The following NSD1 variants were observed in gnomAD, a reference collection of about 807,000 sequenced individuals.
NSD1 encodes histone-lysine N-methyltransferase, H3 lysine-36 specific.
A neutral mutation model predicts 242.7 loss-of-function variants in NSD1; 26 were observed. The observed-to-expected ratio is 0.11, with a 90% CI of 0.08 to 0.15. NSD1 has a LOEUF of 0.15. Ranked by LOEUF, NSD1 falls within the 10% of genes least tolerant of loss-of-function variation. The probability of loss-of-function intolerance (pLI) is 1.00; values close to 1 mark genes in which losing one functional copy is unlikely to be tolerated. For missense variants in NSD1, 2,495 were observed against 3,272.8 expected, an observed-to-expected ratio of 0.76 and a Z score of 5.80; for synonymous variants, 1,106 against 1,178.1, an observed-to-expected ratio of 0.94 and a Z score of 1.25.
chr5:177,249,120 A>G (rs953447052), intron 11 of NSD1, among the ~76,000 whole-genome samples: 1 of 152,142 alleles, frequency 6.6e-6, no homozygotes, highest in Non-Finnish European at 1.5e-5. Flanking sequence ...GACCATTTGA[A>G]TATATATATT....
At position 177,238,262 on chromosome 5, in the gene NSD1, G is replaced by A; in HGVS notation, c.3947G>A (p.Ser1316Asn). The stretch of plus-strand genomic sequence containing the variant: ...GTAAGTTCCCGCTGTGAAGAGGAAA[G>A]CCTTCTAGCCCGAGGTCGATCTAGT... ...HKVSSRCEEESLLARGRSSAQ... is the reference protein window; with the variant it reads ...HKVSSRCEEENLLARGRSSAQ... The change falls in exon 7 of 23, where the codon AGC (serine) becomes AAC (asparagine). Residue 1316 changes from serine (S) to asparagine (N), a missense_variant. Ser to Asn is a conservative substitution (Grantham distance 46, BLOSUM62 1). Coordinates refer to ENST00000439151, the MANE Select transcript of NSD1 (RefSeq NM_022455.5). This position sits in a 1 kb window ranked among gnomAD's most constrained non-coding sequence, Gnocchi z 4.6. The A allele has an allele frequency of 6.2e-7, 1 of 1,614,132 alleles. No individual in the cohort carries two copies. Among genetic ancestry groups the A allele is most frequent in the Non-Finnish European group, 8.5e-7 (1 of 1,180,044 alleles).
rs1390077821 is a variant in NSD1 at position 177,297,462 on chromosome 5, G to A, written c.*2003G>A. The A allele has an allele frequency of 1.3e-5, 3 of 231,072 alleles. No homozygotes were observed. The highest frequency in any genetic ancestry group is 2.2e-5 in the African/African-American group (1 of 45,056). The allele number at this position is 231,072 out of a possible 1,614,324, so 14.3% of individuals were successfully genotyped here. A position where few individuals can be genotyped will look rare whatever the true frequency, so the allele number is the denominator to read the frequency against. ...TGAGAATAATAAATATATAACTGCA[G>A]CTAGTAGGTCCCTTTCCCTAATCTT... On this transcript the variant is annotated 3_prime_UTR_variant, in exon 23 of 23. Coordinates refer to ENST00000439151, the MANE Select transcript of NSD1 (RefSeq NM_022455.5).
Position 177,135,243 on chromosome 5 carries a change from CT to C in NSD1, c.141del (p.Met48CysfsTer34). The C allele has an allele frequency of 6.2e-7, 1 of 1,613,856 alleles. No individual in the cohort carries two copies. The highest frequency in any genetic ancestry group is 8.5e-7 in the Non-Finnish European group (1 of 1,179,764). On this transcript the variant is annotated frameshift_variant, in exon 2 of 23. Coordinates refer to ENST00000439151, the MANE Select transcript of NSD1 (RefSeq NM_022455.5). LOFTEE classifies it high-confidence loss of function. ...SNFSEPLNGCTMQLSTVSGTS... is the reference protein window; with the variant it reads ...SNFSEPLNGCXMQLSTVSGTS... Reference sequence around the variant, plus strand: ...TTTTCTGAGCCACTTAATGGGTGTACTATGCAGTTATCGACTGTCAGTGGAA... The same window carrying C: ...TTTTCTGAGCCACTTAATGGGTGTACATGCAGTTATCGACTGTCAGTGGAA...
rs778042831 is a variant in NSD1, at chr5:177,294,871, G to A, written c.7503G>A (p.Pro2501=). 1.4e-5 allele frequency: 22 copies of A among 1,613,206 alleles called. No individual in the cohort carries two copies. Among genetic ancestry groups the A allele is most frequent in the Admixed American group, 8.3e-5 (5 of 59,988 alleles). The change falls in exon 23 of 23, where the codon CCG becomes CCA. Residue 2501 remains proline, a synonymous_variant. Transcript: ENST00000439151. ...WPASKGLGHM[P]RAVEKGCVSD... is the part of the protein sequence containing the mutation. The stretch of plus-strand genomic sequence containing the variant: ...CCAGCAAAGGTCTGGGGCATATGCC[G>A]AGAGCTGTTGAGAAAGGCTGTGTGT...
At chr5:177,235,972 T>C (rs1765407725) in intron 6 of NSD1, 27 bp downstream of exon 6, 2 of 1,613,376 alleles carry the variant, frequency 1.2e-6, no homozygotes, top group South Asian at 2.2e-5. Context: ...CAGCAAACTT[T>C]CACTGGTCCT....
chr5:177,280,703 C>T lies in NSD1; in HGVS notation c.5761C>T (p.His1921Tyr). The T allele has an allele frequency of 6.2e-7, 1 of 1,614,224 alleles. No individual in the cohort carries two copies. The highest frequency in any genetic ancestry group is 8.5e-7 in the Non-Finnish European group (1 of 1,180,038). Residue 1921 changes from histidine to tyrosine, a missense_variant, in exon 18 of 23, where the codon CAC becomes TAC. By Grantham distance (83) the His-to-Tyr change is moderately conservative. Around this residue, in one of 19 missense-constraint regions of NSD1, gnomAD observed 114 missense variants for 247.4 expected, o/e 0.46. Transcript: ENST00000439151. ...CAACCGCATGCTGCTCTATGAGTGC[C>T]ACCCCACAGTGTGTCCTGCCGGAGG... is the stretch of plus-strand genomic sequence containing the variant. The part of the protein sequence containing the change: ...CINRMLLYEC[H>Y]PTVCPAGGRC...
chr5:177,186,081 T>C (rs1051122022), intron 2 of NSD1, among the ~76,000 whole-genome samples: 2 of 114,550 alleles, frequency 1.7e-5, no homozygotes, highest in African/African-American at 3.4e-5. Context: ...TTATATATAA[T>C]ATATTATATA....
chr5:177,203,253 A>G (rs1158502302), intron 3 of NSD1, among the ~76,000 whole-genome samples: 3 of 152,150 alleles, frequency 2.0e-5, no homozygotes, highest in African/African-American at 7.2e-5. Flanking sequence ...TAGTGTAATA[A>G]AAGTTGCTAA....
At chr5:177,176,074 C>G (rs1760170759) in intron 2 of NSD1, among the ~76,000 whole-genome samples, 1 of 152,108 alleles carries the variant, frequency 6.6e-6, no homozygotes, top group African/African-American at 2.4e-5. Flanking sequence ...CAGGGTTTTA[C>G]CATGTTGACC....
chr5:177,236,196 G>A (rs897111866), intron 6 of NSD1, among the ~76,000 whole-genome samples: 1 of 151,880 alleles, frequency 6.6e-6, no homozygotes, highest in African/African-American at 2.4e-5. Flanking sequence ...TAGGAATATT[G>A]TTATGATTTA....
intron 12 of NSD1, among the ~76,000 whole-genome samples, chr5:177,252,536 G>GTTTTTTTTTTTTTTTTTTTTTTTT (rs1362275540): frequency 1.0e-5 from 1 of 98,996 alleles, no homozygotes; most frequent in African/African-American, 4.3e-5. Context: ...AAAGTAAAGT[G>GTTTTTTTTTTTTTTTTTTTTTTTT]TTCTTTTTTT....
intron 2 of NSD1, among the ~76,000 whole-genome samples, chr5:177,186,109 T>C (rs1403232319): frequency 8.2e-6 from 1 of 122,584 alleles, no homozygotes. Context: ...TATTATATTA[T>C]ATGTATATTT....
At chr5:177,156,265 C>T (rs1008600070) in intron 2 of NSD1, among the ~76,000 whole-genome samples, 1 of 143,404 alleles carries the variant, frequency 7.0e-6, no homozygotes, top group African/African-American at 2.6e-5. Flanking sequence ...ACTGCAACCT[C>T]TGCCTCCTGG....
intron 21 of NSD1, among the ~76,000 whole-genome samples, 192 bp from the exon 22 acceptor site, chr5:177,291,762 G>A (rs1309390243): frequency 6.6e-6 from 1 of 152,180 alleles, no homozygotes; most frequent in East Asian, 1.9e-4. Flanking sequence ...GTTTTGTTCA[G>A]GTGGCAGGAG....
intron 1 of NSD1, 78 bp from the exon 2 acceptor site, chr5:177,135,009 T>A (rs1756194746): frequency 7.8e-7 from 1 of 1,289,750 alleles, no homozygotes; most frequent in African/African-American, 1.5e-5. Flanking sequence ...CCACTAGGCC[T>A]TGAAGTGGCT....
In NSD1 at chr5:177,296,575, G is replaced by A. The variant is rs75224805; in HGVS notation, c.*1116G>A. 0.021 allele frequency: 4,937 copies of A among 233,010 alleles called. 77 individuals are homozygous for A. Among genetic ancestry groups the A allele is most frequent in the Non-Finnish European group, 0.034 (3,976 of 117,974 alleles). The allele number at this position is 233,010 out of a possible 1,614,324, so 14.4% of individuals were successfully genotyped here. A position where few individuals can be genotyped will look rare whatever the true frequency, so the allele number is the denominator to read the frequency against. On this transcript the variant is annotated 3_prime_UTR_variant, in exon 23 of 23. Transcript: ENST00000439151. ...CTGAGTGGAGGGAGTCCTCTTCTTC[G>A]CCTCCCTGAGAATTGCTGTGCTCTG...
intron 2 of NSD1, among the ~76,000 whole-genome samples, chr5:177,176,115 A>G (rs1451565438): frequency 6.6e-6 from 1 of 152,164 alleles, no homozygotes; most frequent in South Asian, 2.1e-4. Context: ...ACCTGAAGTG[A>G]TCTACCTGCC....
chr5:177,257,224 C>CTTTTTTTTTTTTTTTTT (rs1343529552), intron 13 of NSD1, 73 bp downstream of exon 13: 1 of 877,904 alleles, frequency 1.1e-6, no homozygotes, highest in Non-Finnish European at 1.6e-6. Flanking sequence ...TTTCTTTTTT[C>CTTTTTTTTTTTTTTTTT]TTTCTTTTTT....
intron 14 of NSD1, 40 bp downstream of exon 14, chr5:177,260,208 G>C (rs1213900671): frequency 1.3e-6 from 2 of 1,581,214 alleles, no homozygotes; most frequent in Non-Finnish European, 1.7e-6. Flanking sequence ...GTCTAAAAAG[G>C]GATTAAATCA....
Sources: gnomAD v4.1 joint callset for allele counts (sites outside exome capture counted in the v4.1 genomes callset) on GRCh38, gnomAD v4.1.1 for gene constraint, gnomAD v4.1.1 regional missense constraint, Gnocchi (gnomAD v3.1) non-coding constraint, MANE v1.5 for transcripts, NCBI Gene and HGNC (gene_info 2026-07-23, HGNC 2026-07-21) for gene names.